Variants in THRB observed in about 807,000 individuals in gnomAD.
The protein encoded by THRB is thyroid hormone receptor beta.
In THRB, 12 loss-of-function variants were observed where a neutral mutation model predicts 47.8. That is an observed-to-expected ratio of 0.25 (90% confidence interval 0.16 to 0.41). The LOEUF (loss-of-function observed/expected upper bound fraction) is 0.41. Ranked by LOEUF, THRB falls within the 10% of genes least tolerant of loss-of-function variation. THRB has a pLI of 1.00. For missense variants in THRB, 348 were observed against 589.2 expected, an observed-to-expected ratio of 0.59 and a Z score of 4.24; for synonymous variants, 218 against 212.2, an observed-to-expected ratio of 1.03 and a Z score of -0.24.
At chr3:24,239,274 A>T (rs2049235228) in intron 3 of THRB, among the ~76,000 whole-genome samples, 2 of 152,012 alleles carry the variant, frequency 1.3e-5, no homozygotes, top group Non-Finnish European at 2.9e-5. Flanking sequence ...TCTGCTTGGT[A>T]AAGGTTCTGT....
At chr3:24,262,009 C>T (rs1031712098) in intron 3 of THRB, among the ~76,000 whole-genome samples, 1 of 152,158 alleles carries the variant, frequency 6.6e-6, no homozygotes, top group Non-Finnish European at 1.5e-5. Context: ...AAATATTATT[C>T]ATAAGGTTAC....
intron 5 of THRB, among the ~76,000 whole-genome samples, chr3:24,185,732 A>G (rs1428544751): frequency 1.3e-5 from 2 of 152,210 alleles, no homozygotes; most frequent in African/African-American, 4.8e-5. Context: ...GCCTGGGTTC[A>G]GCAGGGCTGG....
At chr3:24,137,564 G>A (rs1422600988) in intron 8 of THRB, among the ~76,000 whole-genome samples, 1 of 152,140 alleles carries the variant, frequency 6.6e-6, no homozygotes, top group Non-Finnish European at 1.5e-5. Flanking sequence ...GAACACTCAA[G>A]GCAGAGAGGA....
rs375671488 is a variant in THRB at position 24,122,735 on chromosome 3, T to G, written c.*149A>C. The G allele has an allele frequency of 8.1e-6, 9 of 1,116,066 alleles. No individual in the cohort carries two copies. The African/African-American group carries it at 1.2e-4, about 15-fold the overall frequency. The allele number at this position is 1,116,066 out of a possible 1,614,324, so 69.1% of individuals were successfully genotyped here. A position where few individuals can be genotyped will look rare whatever the true frequency, so the allele number is the denominator to read the frequency against. ...TCAAGTACCCGCATTCAAGGGGCAA[T>G]TTCATCCATGTCTATGCCAAGGACT... On this transcript the variant is annotated 3_prime_UTR_variant, in exon 11 of 11. Transcript: ENST00000646209.
intron 10 of THRB, among the ~76,000 whole-genome samples, chr3:24,127,235 T>TATCCA (rs2033017234): frequency 6.6e-6 from 1 of 152,200 alleles, no homozygotes. Flanking sequence ...GGCTGCACAG[T>TATCCA]ATCCACCAAA....
intron 1 of THRB, among the ~76,000 whole-genome samples, chr3:24,477,884 G>A (rs904779353): frequency 6.7e-6 from 1 of 149,964 alleles, no homozygotes; most frequent in South Asian, 2.1e-4. Context: ...AAGCTACTTA[G>A]GAATAGATTA....
At chr3:24,177,063 T>TGTTA (rs1380162546) in intron 5 of THRB, among the ~76,000 whole-genome samples, 4 of 152,190 alleles carry the variant, frequency 2.6e-5, no homozygotes, top group Non-Finnish European at 5.9e-5. Flanking sequence ...ATACCATGTA[T>TGTTA]GTTATTCTCC....
chr3:24,131,531 T>C (rs749165581), intron 9 of THRB, among the ~76,000 whole-genome samples: 1 of 152,218 alleles, frequency 6.6e-6, no homozygotes, highest in Non-Finnish European at 1.5e-5. Flanking sequence ...CCTGGTGCTA[T>C]AGACTGAATG....
At chr3:24,148,409 G>A (rs1278451546) in intron 6 of THRB, among the ~76,000 whole-genome samples, 1 of 152,180 alleles carries the variant, frequency 6.6e-6, no homozygotes, top group African/African-American at 2.4e-5. Flanking sequence ...TTATAGGCGT[G>A]AGCCACCACG....
chr3:24,467,944 C>T lies in THRB; in HGVS notation c.-261+26708G>A, dbSNP rs1577796859. On this transcript the variant is annotated intron_variant, in intron 1 of 10. Transcript: ENST00000646209. The stretch of plus-strand genomic sequence containing the variant: ...CTAGCTATGAAAGTCCTAGATTGGC[C>T]TCTTCTTCCAACAGAAGGCTGTTTT... Among the ~76,000 whole-genome samples the T allele has an allele frequency of 2.0e-5, 3 of 152,334 alleles. No homozygotes were observed. In the East Asian group the frequency reaches 5.8e-4, roughly 29 times the overall value.
At chr3:24,281,194 C>T (rs1307871828) in intron 3 of THRB, among the ~76,000 whole-genome samples, 9 of 152,256 alleles carry the variant, frequency 5.9e-5, no homozygotes, top group Middle Eastern at 6.8e-3. Flanking sequence ...AGACAAAGGT[C>T]GGGTTACCCT....
intron 1 of THRB, among the ~76,000 whole-genome samples, chr3:24,429,473 T>C (rs941698691): frequency 2.6e-5 from 4 of 151,978 alleles, no homozygotes; most frequent in Admixed American, 6.6e-5. Context: ...AATTGGACAA[T>C]AGTTAATTAA....
chr3:24,310,557 G>T (rs573718727), intron 2 of THRB, among the ~76,000 whole-genome samples: 1 of 152,114 alleles, frequency 6.6e-6, no homozygotes, highest in African/African-American at 2.4e-5. Flanking sequence ...CAGTAGGTCC[G>T]GGTTGGGGTC....
intron 4 of THRB, among the ~76,000 whole-genome samples, chr3:24,200,793 A>G (rs751560593): frequency 1.3e-5 from 2 of 152,222 alleles, no homozygotes; most frequent in African/African-American, 2.4e-5. Flanking sequence ...CACAGCATGC[A>G]CAGCTATCTT....
At chr3:24,253,845 AG>A (rs1352076104) in intron 3 of THRB, among the ~76,000 whole-genome samples, 2 of 152,152 alleles carry the variant, frequency 1.3e-5, no homozygotes, top group African/African-American at 4.8e-5. Context: ...AAACAAACAC[AG>A]CAGAACTTGT....
Position 24,190,084 on chromosome 3 carries a change from C to G in THRB, c.273G>C (p.Lys91Asn), listed in dbSNP as rs1559551773. 1 of 1,614,000 alleles carries G rather than the reference C, an allele frequency of 6.2e-7. No individual in the cohort carries two copies. The highest frequency in any genetic ancestry group is 1.1e-5 in the South Asian group (1 of 91,082). ...SSAQTFQTEE[K>N]KCKGYIPSYL... is the part of the protein sequence containing the mutation. ...TAAAAATCTGGTTACCTTTACATTT[C>G]TTCTCCTCCGTTTGGAAGGTCTGGG... The change falls in exon 5 of 11, where the codon AAG becomes AAC. Residue 91 changes from lysine to asparagine, a missense_variant. This residue lies in a region of THRB where 148 missense variants were observed against 122.3 expected (regional missense o/e 1.21). Coordinates refer to ENST00000646209, the MANE Select transcript of THRB (RefSeq NM_001354712.2).
At chr3:24,311,076 T>C (rs1313709078) in intron 2 of THRB, among the ~76,000 whole-genome samples, 2 of 152,028 alleles carry the variant, frequency 1.3e-5, no homozygotes, top group Admixed American at 6.5e-5. Context: ...ATTAAGCTTA[T>C]AAAACACCAC....
In THRB at chr3:24,343,215, C is replaced by T. The variant is rs768873682; in HGVS notation, c.-260-5844G>A. Among the ~76,000 whole-genome samples the T allele has an allele frequency of 6.6e-5, 10 of 152,094 alleles. No homozygotes were observed. The South Asian group carries it at 1.0e-3, about 16-fold the overall frequency. On this transcript the variant is annotated intron_variant, in intron 1 of 10. Coordinates refer to ENST00000646209, the MANE Select transcript of THRB (RefSeq NM_001354712.2). Reference sequence around the variant, plus strand: ...CTTAAGTAATTTGTAGAAGTTTGTTCGAGCATTCAATTTCCTGAGAGATGG... The same window carrying T: ...CTTAAGTAATTTGTAGAAGTTTGTTTGAGCATTCAATTTCCTGAGAGATGG...
chr3:24,281,440 C>A (rs964334941), intron 3 of THRB, among the ~76,000 whole-genome samples: 12 of 151,968 alleles, frequency 7.9e-5, no homozygotes, highest in Admixed American at 2.6e-4. Flanking sequence ...GAAGGAAGTG[C>A]TAAACATGGA....
Sources: gnomAD v4.1 joint callset for allele counts (sites outside exome capture counted in the v4.1 genomes callset) on GRCh38, gnomAD v4.1.1 for gene constraint, gnomAD v4.1.1 regional missense constraint, MANE v1.5 for transcripts, NCBI Gene and HGNC (gene_info 2026-07-23, HGNC 2026-07-21) for gene names.